ARMH3: variants seen among roughly 807,000 people sequenced by gnomAD.
ARMH3 encodes the protein armadillo like helical domain containing 3.
Under a neutral mutation model 99.1 loss-of-function variants are expected in ARMH3, and 60 were observed. The observed-to-expected ratio is 0.61, with a 90% CI of 0.49 to 0.75. The LOEUF (loss-of-function observed/expected upper bound fraction) is 0.75. Among genes scored for constraint, ARMH3 ranks in the 30% least tolerant of loss-of-function variants. The pLI is 0.00. For synonymous variants in ARMH3, 285 were observed against 292.8 expected, an observed-to-expected ratio of 0.97 and a Z score of 0.27; for missense variants, 679 against 843.1, an observed-to-expected ratio of 0.81 and a Z score of 2.41.
At chr10:102,051,483 A>G (rs75361985) in intron 1 of ARMH3, among the ~76,000 whole-genome samples, 1 of 151,892 alleles carries the variant, frequency 6.6e-6, no homozygotes, top group African/African-American at 2.4e-5. Context: ...GGAAAAAAAA[A>G]AAAAAGAAAA....
chr10:101,860,566 T>C (rs188936400), intron 24 of ARMH3, among the ~76,000 whole-genome samples: 414 of 152,262 alleles, frequency 2.7e-3, no homozygotes, highest in Non-Finnish European at 4.0e-3. Flanking sequence ...AGAAGGAGCT[T>C]CAGAAATTTT....
At chr10:101,941,575 C>A (rs1175305890) in intron 22 of ARMH3, among the ~76,000 whole-genome samples, 1 of 152,172 alleles carries the variant, frequency 6.6e-6, no homozygotes, top group Non-Finnish European at 1.5e-5. Flanking sequence ...TGCTCTACGT[C>A]TGTTCCAGCA....
intron 22 of ARMH3, among the ~76,000 whole-genome samples, chr10:101,954,399 A>G: frequency 6.6e-6 from 1 of 152,218 alleles, no homozygotes. Context: ...ACAAGGATGA[A>G]TTTCAAATGA....
chr10:102,026,716 A>G (rs1304397395), intron 5 of ARMH3, among the ~76,000 whole-genome samples: 2 of 152,224 alleles, frequency 1.3e-5, no homozygotes, highest in Admixed American at 6.5e-5. Flanking sequence ...AAGTCTAACT[A>G]GGGAGTTTGG....
intron 23 of ARMH3, among the ~76,000 whole-genome samples, chr10:101,912,253 T>C (rs911300906): frequency 1.5e-4 from 23 of 148,600 alleles, no homozygotes; most frequent in Admixed American, 1.2e-3. Flanking sequence ...ATTAGCCGGG[T>C]GTGGTGGTGG....
At chr10:101,871,469 A>T (rs936964887) in intron 24 of ARMH3, among the ~76,000 whole-genome samples, 3 of 152,260 alleles carry the variant, frequency 2.0e-5, no homozygotes, top group African/African-American at 7.2e-5. Context: ...TTAGACGTAT[A>T]GACCAATGGA....
intron 1 of ARMH3, among the ~76,000 whole-genome samples, chr10:102,050,139 T>C (rs1394014514): frequency 7.0e-6 from 1 of 143,292 alleles, no homozygotes; most frequent in Non-Finnish European, 1.5e-5. Context: ...CCAGACTCAG[T>C]CTCAAAAAAT....
rs59281655 is a variant in ARMH3 at position 102,041,075 on chromosome 10, CAT to C, written c.-11-952_-11-951del. Among the ~76,000 whole-genome samples the C allele has an allele frequency of 3.7e-3, 486 of 131,916 alleles. 9 individuals are homozygous for C. The highest frequency in any genetic ancestry group is 8.0e-3 in the African/African-American group (294 of 36,576). 86.5% of individuals were successfully genotyped at this position (131,916 alleles called of 152,430 possible). ...CTACTTTCAAATTTAATTGTGTGTA[CAT>C]ATATATATATATAATATATATATAT... is the stretch of plus-strand genomic sequence containing the variant. On this transcript the variant is annotated intron_variant, in intron 1 of 25. Transcript: ENST00000370033.
At chr10:102,047,460 C>A (rs11191195) in intron 1 of ARMH3, among the ~76,000 whole-genome samples, 31,677 of 151,562 alleles carry the variant, frequency 0.21, 3,668 homozygotes, top group East Asian at 0.52. Context: ...AATTCTTAAG[C>A]CTTCCTACCA....
At chr10:102,029,590 G>A (rs773502244) in intron 5 of ARMH3, 48 bp downstream of exon 5, 2 of 1,614,206 alleles carry the variant, frequency 1.2e-6, no homozygotes, top group Non-Finnish European at 1.7e-6. Flanking sequence ...TCCAGGAACA[G>A]CTGTCAGAAG....
At chr10:101,861,555 ACT>A (rs1323044913) in intron 24 of ARMH3, among the ~76,000 whole-genome samples, 1 of 151,414 alleles carries the variant, frequency 6.6e-6, no homozygotes, top group Non-Finnish European at 1.5e-5. Context: ...ACAGGGTGAA[ACT>A]CTGTCTCTAC....
chr10:101,848,383 A>C (rs563037196), intron 25 of ARMH3, among the ~76,000 whole-genome samples: 2 of 152,258 alleles, frequency 1.3e-5, no homozygotes, highest in East Asian at 3.9e-4. Flanking sequence ...AAAGGGTCAG[A>C]GGGCCCAAGT....
chr10:102,043,712 C>G (rs2067474753), intron 1 of ARMH3, among the ~76,000 whole-genome samples: 1 of 152,212 alleles, frequency 6.6e-6, no homozygotes, highest in Non-Finnish European at 1.5e-5. Flanking sequence ...GGCTTTAAGG[C>G]AGTGTCTCAG....
chr10:101,970,135 T>C (rs1307570642), intron 20 of ARMH3, among the ~76,000 whole-genome samples: 2 of 152,214 alleles, frequency 1.3e-5, no homozygotes, highest in Non-Finnish European at 2.9e-5. Context: ...CAAGTATTTC[T>C]CTCTCCAACA....
Position 101,889,409 on chromosome 10 carries a change from T to A in ARMH3, c.1860+3A>T. 1 of 1,612,126 alleles carries A rather than the reference T, an allele frequency of 6.2e-7. No individual in the cohort carries two copies. Among genetic ancestry groups the A allele is most frequent in the Non-Finnish European group, 8.5e-7 (1 of 1,178,170 alleles). On this transcript the variant is annotated splice_donor_region_variant and intron_variant, in intron 24 of 25. Coordinates refer to ENST00000370033, the MANE Select transcript of ARMH3 (RefSeq NM_024541.3). ...AGGTCATCTGGGGAAAGTAGTGGCTTACCTGCTCCTCTGACAGTTGGGATA... is the reference window on the plus strand; with the variant it reads ...AGGTCATCTGGGGAAAGTAGTGGCTAACCTGCTCCTCTGACAGTTGGGATA...
chr10:101,948,664 G>A (rs1021314104), intron 22 of ARMH3, among the ~76,000 whole-genome samples: 1 of 152,090 alleles, frequency 6.6e-6, no homozygotes, highest in Non-Finnish European at 1.5e-5. Context: ...ACAGCTGAAT[G>A]TTTCAACAAT....
At chr10:101,966,269 C>A (rs1845536087) in intron 20 of ARMH3, among the ~76,000 whole-genome samples, 1 of 131,392 alleles carries the variant, frequency 7.6e-6, no homozygotes, top group African/African-American at 2.9e-5. Context: ...CCACACCTGG[C>A]TAATTTTTGG....
intron 23 of ARMH3, among the ~76,000 whole-genome samples, chr10:101,902,096 C>G (rs183994577): frequency 4.6e-5 from 7 of 152,254 alleles, no homozygotes. Flanking sequence ...TAAATGAATA[C>G]TTATCAATTA....
intron 5 of ARMH3, chr10:102,029,419 C>G (rs1334038389): frequency 6.6e-7 from 1 of 1,522,802 alleles, no homozygotes; most frequent in Non-Finnish European, 8.8e-7. Flanking sequence ...CTGTCTTTAT[C>G]CCGCAGGGAA....
Sources: allele counts gnomAD v4.1 joint callset (sites outside exome capture counted in the v4.1 genomes callset), GRCh38; gene constraint gnomAD v4.1.1; transcripts MANE v1.5; gene names NCBI Gene and HGNC (gene_info 2026-07-23, HGNC 2026-07-21).